Variants in PARD3 observed in about 807,000 individuals in gnomAD.
PARD3 encodes the protein partitioning defective 3 homolog.
In PARD3, 75 loss-of-function variants were observed where a neutral mutation model predicts 155.4. That is an observed-to-expected ratio of 0.48 (90% CI 0.40 to 0.58). The LOEUF is 0.58. Ranked by LOEUF, PARD3 falls within the 20% of genes least tolerant of loss-of-function variation. PARD3 has a pLI of 0.00. For synonymous variants in PARD3, 576 were observed against 610.5 expected (o/e 0.94, Z 0.83); for missense variants, 1,642 against 1,721.7 (o/e 0.95, Z 0.82).
chr10:34,451,363 G>C (rs1220239663), intron 4 of PARD3, among the ~76,000 whole-genome samples: 1 of 152,138 alleles, frequency 6.6e-6, no homozygotes, highest in Non-Finnish European at 1.5e-5. Flanking sequence ...AGTACACCAA[G>C]TTAGAAGAAG....
At chr10:34,345,952 AG>A in intron 15 of PARD3, 1 of 984,038 alleles carries the variant, frequency 1.0e-6, no homozygotes, top group Non-Finnish European at 1.2e-6. Flanking sequence ...AAAACTATTT[AG>A]AATCCCTAGT....
chr10:34,757,947 T>A (rs1411729254), intron 1 of PARD3, among the ~76,000 whole-genome samples: 2 of 152,206 alleles, frequency 1.3e-5, no homozygotes, highest in East Asian at 1.9e-4. Context: ...TAAACCTGCA[T>A]CTGTAGACAT....
At chr10:34,369,626 T>C (rs879740670) in intron 12 of PARD3, among the ~76,000 whole-genome samples, 1 of 152,164 alleles carries the variant, frequency 6.6e-6, no homozygotes, top group African/African-American at 2.4e-5. Context: ...AAATCACATA[T>C]AGTTCCTGAC....
At chr10:34,669,245 T>C (rs980646786) in intron 2 of PARD3, among the ~76,000 whole-genome samples, 3 of 152,012 alleles carry the variant, frequency 2.0e-5, no homozygotes, top group African/African-American at 7.3e-5. Flanking sequence ...TAAAAGAAAA[T>C]GTGGTATACA....
At chr10:34,428,245 C>A (rs570768882) in intron 5 of PARD3, among the ~76,000 whole-genome samples, 1 of 152,322 alleles carries the variant, frequency 6.6e-6, no homozygotes, top group African/African-American at 2.4e-5. Flanking sequence ...AGCAGTATGA[C>A]TTATAGGATT....
intron 5 of PARD3, among the ~76,000 whole-genome samples, chr10:34,426,471 G>C (rs1474062646): frequency 2.0e-5 from 3 of 152,004 alleles, no homozygotes; most frequent in Non-Finnish European, 4.4e-5. Context: ...AAGAGATAAG[G>C]AAAAGAGAAC....
intron 1 of PARD3, among the ~76,000 whole-genome samples, chr10:34,803,348 A>C (rs1195200448): frequency 6.6e-6 from 1 of 151,978 alleles, no homozygotes; most frequent in Non-Finnish European, 1.5e-5. Context: ...CCTCTTCAGA[A>C]TCCTGATCCA....
At chr10:34,357,655 G>T (rs1264777259) in intron 14 of PARD3, among the ~76,000 whole-genome samples, 1 of 152,196 alleles carries the variant, frequency 6.6e-6, no homozygotes, top group East Asian at 1.9e-4. Flanking sequence ...GCATCCTACT[G>T]TGAGGGATTA....
At chr10:34,441,380 G>A (rs759843590) in intron 5 of PARD3, among the ~76,000 whole-genome samples, 2 of 152,122 alleles carry the variant, frequency 1.3e-5, no homozygotes, top group Non-Finnish European at 2.9e-5. Context: ...TGCCAAATGG[G>A]TATGATTTTC....
intron 1 of PARD3, among the ~76,000 whole-genome samples, chr10:34,717,420 A>T (rs946913493): frequency 1.3e-5 from 2 of 152,154 alleles, no homozygotes; most frequent in Non-Finnish European, 2.9e-5. Context: ...AACAACCCAT[A>T]ATACAAAATT....
At chr10:34,645,717 T>A (rs2092816913) in intron 2 of PARD3, among the ~76,000 whole-genome samples, 2 of 152,178 alleles carry the variant, frequency 1.3e-5, no homozygotes, top group South Asian at 4.1e-4. Flanking sequence ...ACTAAGTATC[T>A]CTGCAGGTGC....
At chr10:34,141,459 C>T (rs1330509675) in intron 22 of PARD3, among the ~76,000 whole-genome samples, 1 of 152,120 alleles carries the variant, frequency 6.6e-6, no homozygotes, top group Non-Finnish European at 1.5e-5. Flanking sequence ...AAAAGGTGGT[C>T]TCCAAAGCTG....
At chr10:34,343,214 T>C (rs1837023165) in intron 15 of PARD3, 1 of 546,766 alleles carries the variant, frequency 1.8e-6, no homozygotes, top group Non-Finnish European at 2.3e-6. Context: ...TGACGAGGCA[T>C]GTCACAATAT....
intron 22 of PARD3, among the ~76,000 whole-genome samples, chr10:34,221,885 A>G (rs1952315249): frequency 6.6e-6 from 1 of 152,228 alleles, no homozygotes. Context: ...AAGCTATGAA[A>G]TACGAGTTAT....
intron 2 of PARD3, among the ~76,000 whole-genome samples, chr10:34,666,804 TATATATATATATACACACAC>T (rs2093490610): frequency 3.5e-5 from 1 of 28,794 alleles, no homozygotes; most frequent in African/African-American, 8.9e-5. Flanking sequence ...AAAATATATA[TATATATATATATACACACAC>T]ACACACACAC....
intron 1 of PARD3, among the ~76,000 whole-genome samples, chr10:34,708,550 A>G (rs997970799): frequency 1.3e-5 from 2 of 152,190 alleles, no homozygotes; most frequent in African/African-American, 4.8e-5. Context: ...GGTTCAGGAC[A>G]AAAAAATGCA....
intron 22 of PARD3, among the ~76,000 whole-genome samples, chr10:34,210,227 G>A (rs1357032072): frequency 2.8e-5 from 4 of 140,704 alleles, no homozygotes; most frequent in Non-Finnish European, 5.9e-5. Flanking sequence ...TATTGTACAT[G>A]TATGTATGTG....
chr10:34,429,623 T>C (rs985624959), intron 5 of PARD3, among the ~76,000 whole-genome samples: 3 of 151,974 alleles, frequency 2.0e-5, no homozygotes, highest in Non-Finnish European at 4.4e-5. Flanking sequence ...TCTTGCACTG[T>C]TGCCCGCGCT....
chr10:34,564,614 A>C (rs769416458), intron 2 of PARD3, among the ~76,000 whole-genome samples: 2 of 152,210 alleles, frequency 1.3e-5, no homozygotes, highest in Non-Finnish European at 2.9e-5. Context: ...GGAAAGAGAA[A>C]GAGTTGGGTC....
Sources: allele counts gnomAD v4.1 joint callset (sites outside exome capture counted in the v4.1 genomes callset), GRCh38; gene constraint gnomAD v4.1.1; transcripts MANE v1.5; gene names NCBI Gene and HGNC (gene_info 2026-07-23, HGNC 2026-07-21).